Variants in CDH12 observed in about 807,000 individuals in gnomAD.
CDH12 encodes the protein cadherin-12.
CDH12 carries 41 observed loss-of-function variants against 74.1 expected under a neutral mutation model. The ratio of observed to expected loss-of-function variants is 0.55; its 90% CI spans 0.43 to 0.72. The LOEUF is 0.72. Ranked by LOEUF, CDH12 falls within the 30% of genes least tolerant of loss-of-function variation. The pLI is 0.00. For missense variants in CDH12, 945 were observed against 977.2 expected (o/e 0.97, Z 0.44); for synonymous variants, 399 against 355.0 (o/e 1.12, Z -1.39).
intron 3 of CDH12, among the ~76,000 whole-genome samples, chr5:22,249,120 A>G (rs1042098566): frequency 5.3e-5 from 8 of 152,186 alleles, no homozygotes; most frequent in African/African-American, 1.9e-4. Context: ...AAATGTGATT[A>G]CACACCAATA....
At chr5:22,090,841 T>C (rs1023937903) in intron 4 of CDH12, among the ~76,000 whole-genome samples, 15 of 152,184 alleles carry the variant, frequency 9.9e-5, no homozygotes, top group Admixed American at 8.5e-4. Context: ...CAGAGGATCA[T>C]GTCAATGATC....
chr5:22,085,033 T>C (rs1326583415), intron 4 of CDH12, among the ~76,000 whole-genome samples: 1 of 152,310 alleles, frequency 6.6e-6, no homozygotes, highest in South Asian at 2.1e-4. Flanking sequence ...TTGTATTCCA[T>C]ATACCTGATT....
chr5:22,027,912 G>T (rs1410942120), intron 5 of CDH12, among the ~76,000 whole-genome samples: 1 of 151,982 alleles, frequency 6.6e-6, no homozygotes, highest in Non-Finnish European at 1.5e-5. Flanking sequence ...ATTTTAGGGT[G>T]TCAATTTTGG....
chr5:22,822,870 A>G (rs1306813212), intron 1 of CDH12, among the ~76,000 whole-genome samples: 1 of 152,192 alleles, frequency 6.6e-6, no homozygotes, highest in Admixed American at 6.5e-5. Flanking sequence ...TGACCCAGCC[A>G]TCCGATTCCT....
intron 2 of CDH12, among the ~76,000 whole-genome samples, chr5:22,484,759 G>T (rs1382921900): frequency 6.6e-6 from 1 of 152,110 alleles, no homozygotes. Context: ...CAGAAATTAG[G>T]CCAAATTCTA....
At chr5:21,837,342 T>C (rs1217311484) in intron 8 of CDH12, among the ~76,000 whole-genome samples, 1 of 151,304 alleles carries the variant, frequency 6.6e-6, no homozygotes, top group Non-Finnish European at 1.5e-5. Flanking sequence ...TTACATTTTT[T>C]TCCATCTCAA....
intron 3 of CDH12, among the ~76,000 whole-genome samples, chr5:22,311,081 A>T (rs1738368010): frequency 6.6e-6 from 1 of 152,194 alleles, no homozygotes; most frequent in African/African-American, 2.4e-5. Context: ...CATTTTAAGA[A>T]CTTACTCAAT....
At chr5:22,846,938 AT>A (rs562362220) in intron 1 of CDH12, among the ~76,000 whole-genome samples, 3 of 86,194 alleles carry the variant, frequency 3.5e-5, no homozygotes, top group African/African-American at 7.1e-5. Context: ...ATATGAAAGA[AT>A]TTTTTTAATA....
intron 5 of CDH12, among the ~76,000 whole-genome samples, chr5:22,037,033 A>G (rs1040641622): frequency 5.3e-5 from 8 of 152,360 alleles, no homozygotes; most frequent in African/African-American, 1.7e-4. Context: ...CTGAGAGTAC[A>G]AGGAGAAGAA....
chr5:22,701,460 T>C (rs986495431), intron 1 of CDH12, among the ~76,000 whole-genome samples: 7 of 152,106 alleles, frequency 4.6e-5, no homozygotes, highest in Admixed American at 3.3e-4. Context: ...ATTTCAGGAC[T>C]TCTTGTCCTG....
chr5:22,263,104 C>T (rs569779889), intron 3 of CDH12, among the ~76,000 whole-genome samples: 1 of 152,080 alleles, frequency 6.6e-6, no homozygotes, highest in Non-Finnish European at 1.5e-5. Flanking sequence ...TCATCACTGG[C>T]CATCAGAGAA....
chr5:22,153,848 ATGTG>A (rs202179631), intron 4 of CDH12, among the ~76,000 whole-genome samples: 2 of 130,940 alleles, frequency 1.5e-5, no homozygotes, highest in African/African-American at 5.9e-5. Context: ...ATATACATAT[ATGTG>A]TGTGTGTATA....
At chr5:21,887,670 A>G (rs1300953761) in intron 6 of CDH12, among the ~76,000 whole-genome samples, 1 of 152,108 alleles carries the variant, frequency 6.6e-6, no homozygotes, top group Non-Finnish European at 1.5e-5. Flanking sequence ...GATTCACACC[A>G]TGGACTTTTT....
chr5:22,572,648 T>A (rs1453293834), intron 1 of CDH12, among the ~76,000 whole-genome samples: 1 of 152,180 alleles, frequency 6.6e-6, no homozygotes. Context: ...TGTTTCTATA[T>A]TAACATATGA....
chr5:22,220,179 A>G lies in CDH12; in HGVS notation c.-332-7536T>C, dbSNP rs549047543. On this transcript the variant is annotated intron_variant, in intron 3 of 14. Transcript: ENST00000382254. ...CAGTGCTATATCTCAGGAGAGCAACATTGACATTTGTAATACAATGGCAAG... is the reference window on the plus strand; with the variant it reads ...CAGTGCTATATCTCAGGAGAGCAACGTTGACATTTGTAATACAATGGCAAG... Among the ~76,000 whole-genome samples, 10 of 151,904 alleles carry G rather than the reference A, an allele frequency of 6.6e-5. No individual in the cohort carries two copies. In the South Asian group the frequency reaches 1.7e-3, roughly 25 times the overall value.
At chr5:22,699,127 C>T (rs1304814048) in intron 1 of CDH12, among the ~76,000 whole-genome samples, 1 of 152,058 alleles carries the variant, frequency 6.6e-6, no homozygotes, top group Non-Finnish European at 1.5e-5. Context: ...AAAAGTGTAA[C>T]CAAACGAGAT....
At chr5:22,248,907 T>G (rs894665472) in intron 3 of CDH12, among the ~76,000 whole-genome samples, 8 of 152,120 alleles carry the variant, frequency 5.3e-5, no homozygotes, top group African/African-American at 1.9e-4. Context: ...AAAAATGTCA[T>G]GTTATACACA....
chr5:22,156,764 C>A lies in CDH12; in HGVS notation c.-187+55734G>T, dbSNP rs532965385. Among the ~76,000 whole-genome samples the A allele has an allele frequency of 4.6e-5, 7 of 152,200 alleles. No individual in the cohort carries two copies. In the East Asian group the frequency reaches 1.4e-3, roughly 29 times the overall value. Reference sequence around the variant, plus strand: ...ACTTAATCTCATATTGTCTCCTTAGCCTTTTGACATTTTAATTGCTGTGCC... The same window carrying A: ...ACTTAATCTCATATTGTCTCCTTAGACTTTTGACATTTTAATTGCTGTGCC... On this transcript the variant is annotated intron_variant, in intron 4 of 14. Coordinates refer to ENST00000382254, the MANE Select transcript of CDH12 (RefSeq NM_004061.5).
At chr5:22,011,418 T>C (rs1404995661) in intron 5 of CDH12, among the ~76,000 whole-genome samples, 1 of 152,210 alleles carries the variant, frequency 6.6e-6, no homozygotes, top group Non-Finnish European at 1.5e-5. Flanking sequence ...AAAAGAATAA[T>C]GAGAGATATT....
Sources: allele counts gnomAD v4.1 joint callset (sites outside exome capture counted in the v4.1 genomes callset), GRCh38; gene constraint gnomAD v4.1.1; transcripts MANE v1.5; gene names NCBI Gene and HGNC (gene_info 2026-07-23, HGNC 2026-07-21).